Variants in RANBP2 observed in about 807,000 individuals in gnomAD.
RANBP2 encodes the protein RAN binding protein 2, also known as E3 SUMO-protein ligase RanBP2.
RANBP2 carries 57 observed loss-of-function variants against 303.6 expected under a neutral mutation model. That is an observed-to-expected ratio of 0.19 (90% CI 0.15 to 0.23). The LOEUF (loss-of-function observed/expected upper bound fraction) is 0.23, where lower values mean the gene tolerates loss of function less well. RANBP2 is among the 10% of genes least tolerant of loss of function. The pLI is 1.00. For missense variants in RANBP2, 3,138 were observed against 3,780.8 expected, an observed-to-expected ratio of 0.83 and a Z score of 4.46; for synonymous variants, 1,167 against 1,301.5, an observed-to-expected ratio of 0.90 and a Z score of 2.23.
chr2:109,251,505 A>C, the RANBP2 span: 2 of 743,290 alleles, frequency 2.7e-6, no homozygotes, highest in African/African-American at 3.4e-5. Flanking sequence ...GACATGTCCA[A>C]GGAATATTGT....
chr2:109,562,171 C>T, the RANBP2 span, among the ~76,000 whole-genome samples: 4 of 151,898 alleles, frequency 2.6e-5, no homozygotes, highest in Non-Finnish European at 5.9e-5. Context: ...AGAGATCATG[C>T]CACTGAACTC....
chr2:109,042,312 A>C, the RANBP2 span, among the ~76,000 whole-genome samples: 1 of 152,164 alleles, frequency 6.6e-6, no homozygotes, highest in African/African-American at 2.4e-5. Flanking sequence ...TGGCTGTTTT[A>C]AGATATTTAT....
chr2:109,026,095 C>T, the RANBP2 span, among the ~76,000 whole-genome samples: 1 of 152,018 alleles, frequency 6.6e-6, no homozygotes, highest in Non-Finnish European at 1.5e-5. Context: ...AAAAGCAGCT[C>T]AGAAAGATCC....
intron 25 of RANBP2, among the ~76,000 whole-genome samples, chr2:108,777,905 T>G (rs1677997416): frequency 6.6e-6 from 1 of 152,192 alleles, no homozygotes; most frequent in African/African-American, 2.4e-5. Context: ...GCTTAAATGA[T>G]TAATGCAGTT....
At chr2:108,932,190 C>A in the RANBP2 span, among the ~76,000 whole-genome samples, 1 of 152,106 alleles carries the variant, frequency 6.6e-6, no homozygotes, top group Non-Finnish European at 1.5e-5. Context: ...CTGCAACAGC[C>A]TAAAGGCATT....
At chr2:109,072,263 T>C in the RANBP2 span, among the ~76,000 whole-genome samples, 1 of 152,202 alleles carries the variant, frequency 6.6e-6, no homozygotes, top group Non-Finnish European at 1.5e-5. Flanking sequence ...CTTTATCCTG[T>C]GTCTAATGTG....
the RANBP2 span, chr2:108,791,895 A>G: frequency 7.9e-7 from 1 of 1,268,558 alleles, no homozygotes; most frequent in Non-Finnish European, 1.1e-6. Flanking sequence ...CTGGCCCCCA[A>G]GAGTTTGCAT....
chr2:109,560,069 C>T, the RANBP2 span, among the ~76,000 whole-genome samples: 21 of 152,010 alleles, frequency 1.4e-4, no homozygotes, highest in South Asian at 4.2e-4. Context: ...TACAGGTGCC[C>T]GCCACCACGC....
At chr2:108,969,785 T>C in the RANBP2 span, among the ~76,000 whole-genome samples, 6 of 152,082 alleles carry the variant, frequency 3.9e-5, no homozygotes, top group Non-Finnish European at 8.8e-5. Context: ...GACAGAAACA[T>C]GTAAAAGAAG....
intron 28 of RANBP2, 111 bp downstream of exon 28, chr2:108,782,973 C>T: frequency 1.9e-6 from 2 of 1,028,534 alleles, no homozygotes; most frequent in Admixed American, 3.9e-5. Context: ...TTAAAGATTT[C>T]TTTAGGTTTT....
At chr2:108,871,756 G>A in the RANBP2 span, among the ~76,000 whole-genome samples, 15 of 152,218 alleles carry the variant, frequency 9.9e-5, no homozygotes, top group East Asian at 2.5e-3. Context: ...TACTGCTAAT[G>A]TATTGCACTT....
the RANBP2 span, among the ~76,000 whole-genome samples, chr2:109,485,893 CCCTGGCCCTT>C: frequency 1.3e-5 from 2 of 152,278 alleles, no homozygotes. Flanking sequence ...CCCTGGCCCT[CCCTGGCCCTT>C]GATCTCCTAC....
At chr2:109,673,069 G>A in the RANBP2 span, among the ~76,000 whole-genome samples, 1 of 152,190 alleles carries the variant, frequency 6.6e-6, no homozygotes, top group Admixed American at 6.5e-5. Context: ...TTACGTAGCT[G>A]TAGAGCAGGA....
chr2:109,084,047 C>T, the RANBP2 span, among the ~76,000 whole-genome samples: 2 of 152,126 alleles, frequency 1.3e-5, no homozygotes, highest in South Asian at 4.1e-4. Flanking sequence ...CTGACACCAG[C>T]CAATTGCAAA....
chr2:109,551,234 A>G, the RANBP2 span, among the ~76,000 whole-genome samples: 1 of 152,256 alleles, frequency 6.6e-6, no homozygotes, highest in African/African-American at 2.4e-5. Flanking sequence ...ACATATAGAA[A>G]TATGGATTTA....
At chr2:109,766,916 A>G in the RANBP2 span, among the ~76,000 whole-genome samples, 3 of 148,502 alleles carry the variant, frequency 2.0e-5, no homozygotes, top group Non-Finnish European at 4.4e-5. Flanking sequence ...TCAAAGTGAA[A>G]TCCATAAAAC....
chr2:109,236,952 A>C, the RANBP2 span, among the ~76,000 whole-genome samples: 1 of 152,234 alleles, frequency 6.6e-6, no homozygotes, highest in Non-Finnish European at 1.5e-5. Flanking sequence ...AGAAATTTCA[A>C]CTGGCCTAAG....
chr2:108,958,517 A>AG, the RANBP2 span, among the ~76,000 whole-genome samples: 1 of 147,510 alleles, frequency 6.8e-6, no homozygotes, highest in South Asian at 2.1e-4. Flanking sequence ...GGGGCAGAAC[A>AG]GGGGGGCATG....
At chr2:108,871,093 C>T in the RANBP2 span, among the ~76,000 whole-genome samples, 1 of 151,812 alleles carries the variant, frequency 6.6e-6, no homozygotes, top group African/African-American at 2.4e-5. Flanking sequence ...AGACACGTTC[C>T]TATGGTTGTG....
Sources: allele counts gnomAD v4.1 joint callset (sites outside exome capture counted in the v4.1 genomes callset), GRCh38; gene constraint gnomAD v4.1.1; transcripts MANE v1.5; gene names NCBI Gene and HGNC (gene_info 2026-07-23, HGNC 2026-07-21).